Variants in SIPA1L1 observed in about 807,000 individuals in gnomAD.
SIPA1L1 encodes signal-induced proliferation-associated 1-like protein 1.
In SIPA1L1, 26 loss-of-function variants were observed where a neutral mutation model predicts 162.7. The ratio of observed to expected loss-of-function variants is 0.16; its 90% CI spans 0.12 to 0.22. SIPA1L1 has a LOEUF of 0.22. Ranked by LOEUF, SIPA1L1 falls within the 10% of genes least tolerant of loss-of-function variation. The pLI, the probability that SIPA1L1 is intolerant of heterozygous loss-of-function variation, is 1.00. For synonymous variants in SIPA1L1, 829 were observed against 837.4 expected (o/e 0.99, Z 0.17); for missense variants, 1,874 against 2,241.0 (o/e 0.84, Z 3.31).
At chr14:71,443,608 T>C (rs1227309999) in intron 2 of SIPA1L1, among the ~76,000 whole-genome samples, 1 of 152,222 alleles carries the variant, frequency 6.6e-6, no homozygotes, top group African/African-American at 2.4e-5. Flanking sequence ...CAGGAGCCCT[T>C]CCCTAATAAT....
chr14:71,455,550 G>A (rs1003278460), intron 2 of SIPA1L1, among the ~76,000 whole-genome samples: 1 of 152,020 alleles, frequency 6.6e-6, no homozygotes, highest in South Asian at 2.1e-4. Flanking sequence ...TGGTAATTCC[G>A]AATGCTTATT....
intron 12 of SIPA1L1, among the ~76,000 whole-genome samples, chr14:71,680,689 C>T (rs1474542895): frequency 1.3e-5 from 2 of 151,984 alleles, no homozygotes; most frequent in African/African-American, 4.8e-5. Context: ...ACTAGCAAGA[C>T]TAATAAAGAA....
intron 2 of SIPA1L1, among the ~76,000 whole-genome samples, chr14:71,388,617 A>T (rs7156460): frequency 0.16 from 24,914 of 152,204 alleles, 2,655 homozygotes; most frequent in Middle Eastern, 0.34. Context: ...ATAACTTAGG[A>T]TCCGCATGGA....
chr14:71,626,066 A>G (rs2039950505), intron 7 of SIPA1L1, among the ~76,000 whole-genome samples: 1 of 152,206 alleles, frequency 6.6e-6, no homozygotes, highest in Admixed American at 6.5e-5. Flanking sequence ...TTAATTCACA[A>G]AACTGGCCAT....
chr14:71,552,107 C>T (rs2055896053), intron 4 of SIPA1L1, among the ~76,000 whole-genome samples: 1 of 152,136 alleles, frequency 6.6e-6, no homozygotes, highest in East Asian at 1.9e-4. Context: ...GCTGTACCCG[C>T]CATCCTTTCC....
chr14:71,711,533 C>T (rs2082874403), intron 17 of SIPA1L1, among the ~76,000 whole-genome samples: 1 of 152,038 alleles, frequency 6.6e-6, no homozygotes, highest in South Asian at 2.1e-4. Context: ...TTCTCTGGTC[C>T]AATGTGATGG....
chr14:71,695,013 A>G lies in SIPA1L1; in HGVS notation c.3375-3968A>G, dbSNP rs1347286112. Reference sequence around the variant, plus strand: ...AAGCACCTCTTCAAAGTGGCAGGATAGCAATCAGCCCATCTTCCAATAACG... The same window carrying G: ...AAGCACCTCTTCAAAGTGGCAGGATGGCAATCAGCCCATCTTCCAATAACG... On this transcript the variant is annotated intron_variant, in intron 13 of 23. Coordinates refer to ENST00000381232, the MANE Select transcript of SIPA1L1 (RefSeq NM_001386936.1). Among the ~76,000 whole-genome samples, 6 of 152,212 alleles carry G rather than the reference A, an allele frequency of 3.9e-5. No homozygotes were observed. The East Asian group carries it at 9.6e-4, about 24-fold the overall frequency.
intron 4 of SIPA1L1, among the ~76,000 whole-genome samples, chr14:71,561,283 G>A (rs1352682292): frequency 1.3e-5 from 2 of 151,914 alleles, no homozygotes; most frequent in Non-Finnish European, 2.9e-5. Flanking sequence ...TATACATTTA[G>A]TTCCATTTTG....
chr14:71,514,518 A>T (rs1357176031), intron 3 of SIPA1L1, among the ~76,000 whole-genome samples: 1 of 152,128 alleles, frequency 6.6e-6, no homozygotes, highest in Admixed American at 6.5e-5. Context: ...CTATAGGGAG[A>T]CTACCTTTCC....
chr14:71,468,082 TC>T, intron 2 of SIPA1L1, among the ~76,000 whole-genome samples: 1 of 151,660 alleles, frequency 6.6e-6, no homozygotes. Flanking sequence ...CAGGGACTTC[TC>T]CTATAATCAG....
intron 22 of SIPA1L1, 70 bp from the exon 23 acceptor site, chr14:71,738,171 A>AC: frequency 2.7e-6 from 2 of 745,606 alleles, no homozygotes; most frequent in Non-Finnish European, 4.2e-6. Flanking sequence ...TAAAAAAAAA[A>AC]AAAAAAAAAA....
intron 4 of SIPA1L1, among the ~76,000 whole-genome samples, chr14:71,532,295 T>C (rs923851974): frequency 5.9e-5 from 9 of 152,198 alleles, no homozygotes; most frequent in African/African-American, 2.2e-4. Flanking sequence ...CTTTGAAAAA[T>C]CAATTCGGTG....
intron 4 of SIPA1L1, among the ~76,000 whole-genome samples, chr14:71,565,022 A>G (rs892323525): frequency 3.9e-5 from 6 of 152,202 alleles, no homozygotes; most frequent in Non-Finnish European, 8.8e-5. Flanking sequence ...ATTGACAAAA[A>G]TTTTAAGTTG....
rs572335329 is a variant in SIPA1L1, at chr14:71,354,464, G to T, written c.-465+33283G>T. Among the ~76,000 whole-genome samples, 6 of 151,898 alleles carry T rather than the reference G, an allele frequency of 4.0e-5. No homozygotes were observed. The East Asian group carries it at 1.2e-3, about 30-fold the overall frequency. ...GGCTAATTTTCATATTTTTGTAGAG[G>T]GGGGGTTTCACCATGTTGGCCAGGC... On this transcript the variant is annotated intron_variant, in intron 2 of 23. Coordinates refer to ENST00000381232, the MANE Select transcript of SIPA1L1 (RefSeq NM_001386936.1).
intron 10 of SIPA1L1, among the ~76,000 whole-genome samples, chr14:71,669,373 TA>T (rs979850193): frequency 6.6e-6 from 1 of 152,234 alleles, no homozygotes; most frequent in African/African-American, 2.4e-5. Flanking sequence ...CACCCCCTGC[TA>T]AACATTTTGC....
intron 2 of SIPA1L1, among the ~76,000 whole-genome samples, chr14:71,362,558 C>G (rs2037911171): frequency 6.6e-6 from 1 of 152,184 alleles, no homozygotes; most frequent in South Asian, 2.1e-4. Context: ...CCTGCAGAAA[C>G]CATTTGGCTT....
intron 2 of SIPA1L1, among the ~76,000 whole-genome samples, chr14:71,361,128 T>G (rs78059691): frequency 0.057 from 8,616 of 152,214 alleles, 581 homozygotes; most frequent in African/African-American, 0.16. Flanking sequence ...CTTCTTAATC[T>G]TTTATGTAAA....
chr14:71,467,465 A>C (rs2047092053), intron 2 of SIPA1L1, among the ~76,000 whole-genome samples: 1 of 152,212 alleles, frequency 6.6e-6, no homozygotes, highest in South Asian at 2.1e-4. Context: ...GCACTTTCTA[A>C]TAAAAACAAC....
chr14:71,497,424 T>C lies in SIPA1L1; in HGVS notation c.-464-15319T>C, dbSNP rs570394476. 3.9e-5 allele frequency among the ~76,000 whole-genome samples: 6 copies of C among 152,306 alleles called. No homozygotes were observed. In the East Asian group the frequency reaches 9.6e-4, roughly 24 times the overall value. On this transcript the variant is annotated intron_variant, in intron 2 of 23. Coordinates refer to ENST00000381232, the MANE Select transcript of SIPA1L1 (RefSeq NM_001386936.1). ...GTATGGATTTTTGTGACTTTCATTA[T>C]AATAAAGATTCAGAAGAGTTTTGTA...
Sources: gnomAD v4.1 joint callset for allele counts (sites outside exome capture counted in the v4.1 genomes callset) on GRCh38, gnomAD v4.1.1 for gene constraint, MANE v1.5 for transcripts, NCBI Gene and HGNC (gene_info 2026-07-23, HGNC 2026-07-21) for gene names.